Variants in RBFOX1 observed in about 807,000 individuals in gnomAD.
RBFOX1 encodes RNA binding protein fox-1 homolog 1.
A neutral mutation model predicts 57.7 loss-of-function variants in RBFOX1; 8 were observed. The ratio of observed to expected loss-of-function variants is 0.14; its 90% CI spans 0.08 to 0.25. The LOEUF (loss-of-function observed/expected upper bound fraction) is 0.25, where lower values mean the gene tolerates loss of function less well. RBFOX1 is among the 10% of genes least tolerant of loss of function. RBFOX1 has a pLI of 1.00. For synonymous variants in RBFOX1, 326 were observed against 222.4 expected (o/e 1.47, Z -4.15); for missense variants, 611 against 548.5 (o/e 1.11, Z -1.14).
At chr16:5,548,090 G>A (rs933358489) in intron 2 of RBFOX1, among the ~76,000 whole-genome samples, 13 of 150,066 alleles carry the variant, frequency 8.7e-5, no homozygotes, top group African/African-American at 2.9e-4. Flanking sequence ...GAACCAGTGC[G>A]GTGGAGGTTG....
At chr16:7,081,642 G>A (rs1269208381) in intron 4 of RBFOX1, among the ~76,000 whole-genome samples, 1 of 152,056 alleles carries the variant, frequency 6.6e-6, no homozygotes, top group Non-Finnish European at 1.5e-5. Context: ...CACCTGTGTT[G>A]TATATCTCAA....
chr16:5,815,393 C>T (rs2055597364), intron 3 of RBFOX1, among the ~76,000 whole-genome samples: 1 of 152,072 alleles, frequency 6.6e-6, no homozygotes, highest in Admixed American at 6.5e-5. Flanking sequence ...AGTAGCTGGC[C>T]AGGGCCTGAC....
intron 3 of RBFOX1, among the ~76,000 whole-genome samples, chr16:6,886,029 G>C (rs7194645): frequency 2.6e-5 from 4 of 151,518 alleles, no homozygotes; most frequent in African/African-American, 9.7e-5. Flanking sequence ...ATGCATCAAG[G>C]ATACTGTTGA....
chr16:6,291,327 C>A (rs1971032), intron 1 of RBFOX1, among the ~76,000 whole-genome samples: 3,132 of 152,274 alleles, frequency 0.021, 118 homozygotes, highest in African/African-American at 0.071. Context: ...GATTCAAACA[C>A]CTCTGACATT....
Position 7,589,210 on chromosome 16 carries a change from A to G in RBFOX1, c.468+1910A>G, listed in dbSNP as rs557177719. ...CTTCGTTCTGACCCTAGGTCTGTCT[A>G]TAGCAGCACTGCCTTCAAAGATGTG... On this transcript the variant is annotated intron_variant, in intron 7 of 15. Coordinates refer to ENST00000550418, the MANE Select transcript of RBFOX1 (RefSeq NM_018723.4). 2.8e-4 allele frequency among the ~76,000 whole-genome samples: 43 copies of G among 152,326 alleles called. 1 individual carries two copies. In the South Asian group the frequency reaches 8.1e-3, roughly 29 times the overall value.
chr16:6,761,828 G>A (rs1468894198), intron 3 of RBFOX1, among the ~76,000 whole-genome samples: 5 of 151,638 alleles, frequency 3.3e-5, no homozygotes, highest in African/African-American at 9.7e-5. Context: ...TTGCTACTAC[G>A]CCATCCAGAC....
chr16:5,342,907 C>A (rs2065062503), intron 1 of RBFOX1, among the ~76,000 whole-genome samples: 1 of 151,616 alleles, frequency 6.6e-6, no homozygotes, highest in Admixed American at 6.6e-5. Context: ...GAGATTAACC[C>A]CTACCCCACA....
intron 4 of RBFOX1, among the ~76,000 whole-genome samples, chr16:7,271,518 A>G (rs1399586488): frequency 1.3e-5 from 2 of 151,668 alleles, no homozygotes; most frequent in Non-Finnish European, 2.9e-5. Context: ...TGTCTAATTG[A>G]TTTGTTTTTT....
intron 1 of RBFOX1, chr16:5,271,004 A>G (rs1221274905): frequency 3.4e-6 from 1 of 296,392 alleles, no homozygotes; most frequent in African/African-American, 2.3e-5. Context: ...TGTGAAAAAC[A>G]AACAATAAAC....
intron 3 of RBFOX1, among the ~76,000 whole-genome samples, chr16:6,770,669 G>T (rs1245450348): frequency 3.3e-5 from 5 of 152,086 alleles, no homozygotes; most frequent in Non-Finnish European, 7.4e-5. Flanking sequence ...GAGGAGAGAA[G>T]AGTCCACAAA....
At chr16:5,777,023 C>G (rs1488715229) in intron 3 of RBFOX1, among the ~76,000 whole-genome samples, 3 of 152,188 alleles carry the variant, frequency 2.0e-5, no homozygotes, top group Non-Finnish European at 4.4e-5. Flanking sequence ...TGTAGCACAG[C>G]TCTGCTGCAA....
In RBFOX1 at chr16:6,918,255, C is replaced by G. The variant is rs1004923811; in HGVS notation, c.-15-133802C>G. Among the ~76,000 whole-genome samples the G allele has an allele frequency of 1.1e-4, 17 of 150,026 alleles. 1 individual carries two copies. The highest frequency in any genetic ancestry group is 3.5e-4 in the African/African-American group (14 of 40,556). On this transcript the variant is annotated intron_variant, in intron 3 of 15. Transcript: ENST00000550418. ...TGAGATTGTACCATTGCAATCCAGC[C>G]TGGGTGACAGAGCAAGACTCCATCT...
intron 3 of RBFOX1, among the ~76,000 whole-genome samples, chr16:5,629,253 A>G (rs2048432988): frequency 6.6e-6 from 1 of 152,220 alleles, no homozygotes; most frequent in Non-Finnish European, 1.5e-5. Context: ...CTACTCCTCC[A>G]TCTTCTAAGG....
intron 3 of RBFOX1, among the ~76,000 whole-genome samples, chr16:5,793,216 C>T (rs1284501105): frequency 6.6e-6 from 1 of 152,208 alleles, no homozygotes; most frequent in Non-Finnish European, 1.5e-5. Context: ...GGCCAGGAGC[C>T]CAGCCCTGCT....
At chr16:6,098,891 A>G (rs909681463) in intron 1 of RBFOX1, among the ~76,000 whole-genome samples, 8 of 152,144 alleles carry the variant, frequency 5.3e-5, no homozygotes, top group Non-Finnish European at 1.0e-4. Flanking sequence ...ATTGGGAGGG[A>G]TGTGGCTTGG....
At chr16:6,905,161 A>G (rs1415013599) in intron 3 of RBFOX1, among the ~76,000 whole-genome samples, 1 of 152,156 alleles carries the variant, frequency 6.6e-6, no homozygotes, top group Non-Finnish European at 1.5e-5. Flanking sequence ...CAGGGTTTTC[A>G]AATCCTTTAT....
intron 1 of RBFOX1, among the ~76,000 whole-genome samples, chr16:5,373,890 C>T (rs769251771): frequency 6.6e-6 from 1 of 152,144 alleles, no homozygotes. Context: ...AGGCATGAGC[C>T]ACTGTGCCCA....
intron 4 of RBFOX1, among the ~76,000 whole-genome samples, chr16:7,455,785 C>CAAA (rs369544031): frequency 9.7e-5 from 8 of 82,794 alleles, no homozygotes; most frequent in African/African-American, 1.5e-4. Context: ...GACTCCATCT[C>CAAA]AAAAAAAAAA....
chr16:6,913,015 T>C (rs1179276313), intron 3 of RBFOX1, among the ~76,000 whole-genome samples: 1 of 151,982 alleles, frequency 6.6e-6, no homozygotes, highest in African/African-American at 2.4e-5. Flanking sequence ...TACTTCCTAT[T>C]TCTGCTGGGT....
Sources: gnomAD v4.1 joint callset for allele counts (sites outside exome capture counted in the v4.1 genomes callset) on GRCh38, gnomAD v4.1.1 for gene constraint, MANE v1.5 for transcripts, NCBI Gene and HGNC (gene_info 2026-07-23, HGNC 2026-07-21) for gene names.